The following ABAT variants were observed in gnomAD, a reference collection of about 807,000 sequenced individuals.
ABAT encodes 4-aminobutyrate aminotransferase.
A neutral mutation model predicts 64.6 loss-of-function variants in ABAT; 45 were observed. The ratio of observed to expected loss-of-function variants is 0.70; its 90% CI spans 0.55 to 0.89. The LOEUF is 0.89. ABAT is among the 40% of genes least tolerant of loss of function. The probability of loss-of-function intolerance (pLI) is 0.00; values close to 1 mark genes in which losing one functional copy is unlikely to be tolerated. For synonymous variants in ABAT, 297 were observed against 250.5 expected, an observed-to-expected ratio of 1.19 and a Z score of -1.75; for missense variants, 633 against 658.4, an observed-to-expected ratio of 0.96 and a Z score of 0.42.
intron 1 of ABAT, among the ~76,000 whole-genome samples, chr16:8,703,170 G>C (rs1284971512): frequency 2.6e-5 from 4 of 152,122 alleles, no homozygotes; most frequent in Non-Finnish European, 4.4e-5. Flanking sequence ...TTAAGGGCCG[G>C]GTGCAGTGGC....
chr16:8,773,105 TACACACACACACACAC>T (rs35248639), intron 12 of ABAT, among the ~76,000 whole-genome samples, 188 bp downstream of exon 12: 5,488 of 109,014 alleles, frequency 0.05, 447 homozygotes, highest in African/African-American at 0.17. Context: ...CCTAAAACTA[TACACACACACACACAC>T]ACACACACAC....
At chr16:8,733,564 C>T (rs2058820480) in intron 1 of ABAT, among the ~76,000 whole-genome samples, 1 of 151,928 alleles carries the variant, frequency 6.6e-6, no homozygotes, top group Non-Finnish European at 1.5e-5. Flanking sequence ...GTGAACGAGA[C>T]TCCGTCTGTA....
intron 1 of ABAT, among the ~76,000 whole-genome samples, chr16:8,702,266 T>C (rs777971723): frequency 7.1e-6 from 1 of 140,736 alleles, no homozygotes; most frequent in African/African-American, 2.6e-5. Context: ...TGCTGCACTC[T>C]TTTTTTTTTT....
intron 1 of ABAT, among the ~76,000 whole-genome samples, chr16:8,719,939 G>A (rs79810997): frequency 1.6e-4 from 25 of 152,234 alleles, no homozygotes; most frequent in Non-Finnish European, 3.5e-4. Context: ...AGCCTCCCAA[G>A]TAGCTGGAAC....
At position 8,735,889 on chromosome 16, in the gene ABAT, C is replaced by G; in HGVS notation, c.70+80C>G. The G allele has an allele frequency of 5.3e-6, 7 of 1,315,588 alleles. No homozygotes were observed. The South Asian group carries it at 7.6e-5, about 14-fold the overall frequency. 81.5% of individuals were successfully genotyped at this position (1,315,588 alleles called of 1,614,324 possible). A position where few individuals can be genotyped will look rare whatever the true frequency, so the allele number is the denominator to read the frequency against. ...CTAGGGATTCCTGGGCTGGAAGAGC[C>G]CTTGGGGATAAAGGGACCAGCCAGT... On this transcript the variant is annotated intron_variant, in intron 2 of 15. Transcript: ENST00000268251.
At position 8,735,728 on chromosome 16, in the gene ABAT, C is replaced by T. The variant is rs1156826162; in HGVS notation, c.-12C>T. On this transcript the variant is annotated 5_prime_UTR_variant, in exon 2 of 16. Transcript: ENST00000268251. ...GCAGCACGCAAAGGGTGTCCCTGTC[C>T]CTCAAGGGGTCATGGCCTCCATGTT... is the stretch of plus-strand genomic sequence containing the variant. 3.1e-6 allele frequency: 5 copies of T among 1,596,480 alleles called. No individual in the cohort carries two copies. Among genetic ancestry groups the T allele is most frequent in the Non-Finnish European group, 4.3e-6 (5 of 1,171,246 alleles).
At chr16:8,745,697 CA>C (rs369352401) in intron 2 of ABAT, among the ~76,000 whole-genome samples, 3 of 149,352 alleles carry the variant, frequency 2.0e-5, no homozygotes, top group Admixed American at 6.7e-5. Context: ...GACTCTGTCT[CA>C]AAAAAAAATG....
chr16:8,676,405 AT>A (rs1339963416), intron 1 of ABAT, among the ~76,000 whole-genome samples: 1 of 151,930 alleles, frequency 6.6e-6, no homozygotes, highest in Non-Finnish European at 1.5e-5. Context: ...CAGTCCTCAC[AT>A]TTACAATGGG....
chr16:8,702,682 C>T (rs542383216), intron 1 of ABAT, among the ~76,000 whole-genome samples: 23 of 149,336 alleles, frequency 1.5e-4, no homozygotes, highest in African/African-American at 5.7e-4. Flanking sequence ...CCTCGTCCAA[C>T]ACTGGGGATT....
At chr16:8,771,562 G>A (rs1023940508) in intron 11 of ABAT, among the ~76,000 whole-genome samples, 2 of 150,292 alleles carry the variant, frequency 1.3e-5, no homozygotes, top group Admixed American at 6.7e-5. Flanking sequence ...TCTACCTCCT[G>A]GGTTCAAGCG....
intron 1 of ABAT, among the ~76,000 whole-genome samples, chr16:8,726,459 A>T (rs1303104493): frequency 4.6e-5 from 7 of 151,960 alleles, no homozygotes; most frequent in Non-Finnish European, 1.0e-4. Context: ...GGGTTTAGCC[A>T]TGTTCGCCAG....
At chr16:8,775,167 C>G (rs971274415) in intron 13 of ABAT, 110 bp downstream of exon 13, 3 of 1,439,850 alleles carry the variant, frequency 2.1e-6, no homozygotes, top group Admixed American at 1.8e-5. Flanking sequence ...CTTACTGGGT[C>G]GCAGGTTTTC....
chr16:8,707,980 T>C (rs992550331), intron 1 of ABAT, among the ~76,000 whole-genome samples: 1 of 152,208 alleles, frequency 6.6e-6, no homozygotes, highest in Non-Finnish European at 1.5e-5. Context: ...AGTACTTGCA[T>C]GTCATGATTA....
At chr16:8,715,044 G>A (rs1445789270) in intron 1 of ABAT, 1 of 152,044 alleles carries the variant, frequency 6.6e-6, no homozygotes, top group Non-Finnish European at 1.5e-5. Context: ...AACACTATAC[G>A]CCCTCCTCTA....
chr16:8,761,820 G>C (rs1235476110), intron 6 of ABAT, among the ~76,000 whole-genome samples: 1 of 152,158 alleles, frequency 6.6e-6, no homozygotes, highest in Non-Finnish European at 1.5e-5. Context: ...AAAGTCCCAA[G>C]AAGGGGTTTA....
At chr16:8,746,152 A>G in intron 3 of ABAT, 54 bp downstream of exon 3, 2 of 1,392,066 alleles carry the variant, frequency 1.4e-6, no homozygotes, top group Non-Finnish European at 2.0e-6. Context: ...AAGGCGCCTA[A>G]GAAGCAAAAG....
intron 1 of ABAT, among the ~76,000 whole-genome samples, chr16:8,726,262 C>CTTTTTTT (rs71152921): frequency 0.036 from 4,297 of 120,712 alleles, 382 homozygotes; most frequent in Non-Finnish European, 0.04. Flanking sequence ...ATGACTAGAT[C>CTTTTTTT]TTTTTTTTTT....
At chr16:8,687,321 G>A (rs905928172) in intron 1 of ABAT, among the ~76,000 whole-genome samples, 1 of 152,006 alleles carries the variant, frequency 6.6e-6, no homozygotes, top group Non-Finnish European at 1.5e-5. Context: ...TCAGGAGATG[G>A]AGACCATCCT....
At chr16:8,703,988 G>A (rs1442989270) in intron 1 of ABAT, among the ~76,000 whole-genome samples, 1 of 152,214 alleles carries the variant, frequency 6.6e-6, no homozygotes, top group African/African-American at 2.4e-5. Context: ...CCAGAGCACA[G>A]AGCCTCAAGA....
Sources: allele counts gnomAD v4.1 joint callset (sites outside exome capture counted in the v4.1 genomes callset), GRCh38; gene constraint gnomAD v4.1.1; transcripts MANE v1.5; gene names NCBI Gene and HGNC (gene_info 2026-07-23, HGNC 2026-07-21).